The following ANKAR variants were observed in gnomAD, a reference collection of about 807,000 sequenced individuals.
The protein encoded by ANKAR is ankyrin and armadillo repeat containing, also known as ankyrin and armadillo repeat-containing protein.
ANKAR carries 136 observed loss-of-function variants against 146.2 expected under a neutral mutation model. The observed-to-expected ratio is 0.93, with a 90% CI of 0.81 to 1.07. The LOEUF (loss-of-function observed/expected upper bound fraction) is 1.07, where lower values mean the gene tolerates loss of function less well. Ranked by LOEUF, ANKAR falls within the 50% of genes least tolerant of loss-of-function variation. The probability of loss-of-function intolerance (pLI) is 0.00; values close to 1 mark genes in which losing one functional copy is unlikely to be tolerated. For synonymous variants in ANKAR, 500 were observed against 575.8 expected, an observed-to-expected ratio of 0.87 and a Z score of 1.88; for missense variants, 1,567 against 1,679.9, an observed-to-expected ratio of 0.93 and a Z score of 1.18.
intron 12 of ANKAR, among the ~76,000 whole-genome samples, chr2:189,724,592 A>G (rs1200075734): frequency 6.6e-6 from 1 of 152,196 alleles, no homozygotes; most frequent in East Asian, 1.9e-4. Flanking sequence ...ATAAATATGC[A>G]TTAAATAAAT....
intron 12 of ANKAR, among the ~76,000 whole-genome samples, chr2:189,727,185 TACAAA>T (rs2041969412): frequency 6.6e-6 from 1 of 152,056 alleles, no homozygotes; most frequent in Non-Finnish European, 1.5e-5. Flanking sequence ...GTACCAAAAA[TACAAA>T]ACAAAATGAG....
chr2:189,736,502 T>TTTTTTGTGTG (rs1422561376), intron 17 of ANKAR, among the ~76,000 whole-genome samples: 4 of 141,986 alleles, frequency 2.8e-5, no homozygotes, highest in African/African-American at 1.0e-4. Flanking sequence ...TGACTGGGTT[T>TTTTTTGTGTG]TGTGTGTGTG....
chr2:189,761,624 T>G (rs372105015), downstream of ANKAR: 62 of 1,598,174 alleles, frequency 3.9e-5, no homozygotes, highest in Admixed American at 2.3e-4. Flanking sequence ...TCCTGCAGTC[T>G]TAGTCAAGAT....
chr2:189,751,981 A>G (rs551319027), intron 18 of ANKAR, among the ~76,000 whole-genome samples: 3 of 151,518 alleles, frequency 2.0e-5, no homozygotes, highest in Admixed American at 2.0e-4. Flanking sequence ...CCCAAAAACT[A>G]AAAATACAAA....
At chr2:189,762,808 C>G (rs2047324877), downstream of ANKAR, 1 of 985,508 alleles carries the variant, frequency 1.0e-6, no homozygotes, top group East Asian at 1.1e-4. Flanking sequence ...CGGAACTGTG[C>G]AAGGTCCCGT....
At chr2:189,700,971 T>C (rs368717695) in intron 7 of ANKAR, among the ~76,000 whole-genome samples, 33 of 152,352 alleles carry the variant, frequency 2.2e-4, no homozygotes, top group African/African-American at 7.2e-4. Context: ...TTCCAAATCT[T>C]TGTTATTGTG....
intron 12 of ANKAR, among the ~76,000 whole-genome samples, chr2:189,724,336 C>T (rs1011047238): frequency 1.3e-5 from 2 of 152,222 alleles, no homozygotes; most frequent in Admixed American, 1.3e-4. Flanking sequence ...CAGTGACTCT[C>T]TATCACCTAG....
chr2:189,699,752 C>T (rs76283451), intron 7 of ANKAR, among the ~76,000 whole-genome samples: 4,804 of 152,208 alleles, frequency 0.032, 257 homozygotes, highest in African/African-American at 0.11. Context: ...TTCCGCCTCC[C>T]GGCCCCTGGG....
At chr2:189,761,307 T>C (rs2047036587), downstream of ANKAR, 1 of 1,148,756 alleles carries the variant, frequency 8.7e-7, no homozygotes, top group Non-Finnish European at 1.2e-6. Flanking sequence ...TTAAAAGTGT[T>C]TGCAAAAAGG....
chr2:189,710,363 G>C (rs2039522177), intron 9 of ANKAR, among the ~76,000 whole-genome samples: 1 of 152,084 alleles, frequency 6.6e-6, no homozygotes, highest in South Asian at 2.1e-4. Flanking sequence ...AATTTTTATT[G>C]ACAATACTGT....
At chr2:189,710,132 A>G (rs1344717668) in intron 9 of ANKAR, among the ~76,000 whole-genome samples, 5 of 152,236 alleles carry the variant, frequency 3.3e-5, no homozygotes, top group African/African-American at 1.2e-4. Context: ...ATTTTAAAAG[A>G]GGATGTCACG....
At chr2:189,745,030 A>ACTACTAATAATAATAATAG (rs1380926394) in intron 22 of ANKAR, among the ~76,000 whole-genome samples, 2 of 65,152 alleles carry the variant, frequency 3.1e-5, no homozygotes, top group East Asian at 9.9e-4. Context: ...ACTACTACTA[A>ACTACTAATAATAATAATAG]TAATACAAAA....
downstream of ANKAR, chr2:189,761,611 A>T (rs772339053): frequency 5.6e-6 from 9 of 1,607,006 alleles, no homozygotes; most frequent in East Asian, 1.8e-4. Flanking sequence ...GTTTAAAAAA[A>T]ACTCCTGCAG....
chr2:189,681,283 G>A (rs115401910), intron 2 of ANKAR, among the ~76,000 whole-genome samples: 2,836 of 152,326 alleles, frequency 0.019, 88 homozygotes, highest in African/African-American at 0.064. Flanking sequence ...TAGAGCACCA[G>A]TAGAGACCTG....
chr2:189,754,096 A>G (rs1036899982), intron 18 of ANKAR: 1 of 1,612,010 alleles, frequency 6.2e-7, no homozygotes, highest in South Asian at 1.1e-5. Flanking sequence ...TTTAGGCACA[A>G]TCCAGGAATA....
intron 10 of ANKAR, 64 bp downstream of exon 10, chr2:189,711,217 G>T: frequency 8.2e-7 from 1 of 1,214,088 alleles, no homozygotes; most frequent in Non-Finnish European, 1.1e-6. Flanking sequence ...TTATTCATCA[G>T]TCATTTTTAA....
intron 2 of ANKAR, among the ~76,000 whole-genome samples, chr2:189,678,632 A>G (rs1241766145): frequency 6.6e-6 from 1 of 152,054 alleles, no homozygotes; most frequent in Non-Finnish European, 1.5e-5. Context: ...ATGAGGATCC[A>G]GTTTCATGTG....
downstream of ANKAR, among the ~76,000 whole-genome samples, chr2:189,749,235 GA>G (rs1246930914): frequency 1.9e-5 from 2 of 105,176 alleles, no homozygotes; most frequent in Non-Finnish European, 3.6e-5. Context: ...AACAGAGCGA[GA>G]CTCTGTCTAA....
intron 18 of ANKAR, among the ~76,000 whole-genome samples, chr2:189,755,940 AT>A (rs1381082663): frequency 6.6e-6 from 1 of 152,208 alleles, no homozygotes; most frequent in African/African-American, 2.4e-5. Flanking sequence ...CTGCGAAAGT[AT>A]TTGTGTAAAA....
Sources: allele counts gnomAD v4.1 joint callset (sites outside exome capture counted in the v4.1 genomes callset), GRCh38; gene constraint gnomAD v4.1.1; transcripts MANE v1.5; gene names NCBI Gene and HGNC (gene_info 2026-07-23, HGNC 2026-07-21).